Variants in ANXA1 observed in about 807,000 individuals in gnomAD.
ANXA1 encodes annexin A1.
Under a neutral mutation model 47.9 loss-of-function variants are expected in ANXA1, and 39 were observed. That is an observed-to-expected ratio of 0.81 (90% CI 0.63 to 1.06). ANXA1 has a LOEUF of 1.06. Among genes scored for constraint, ANXA1 ranks in the 50% least tolerant of loss-of-function variants. The pLI, the probability that ANXA1 is intolerant of heterozygous loss-of-function variation, is 0.00. For missense variants in ANXA1, 446 were observed against 422.7 expected (o/e 1.06, Z -0.48); for synonymous variants, 146 against 142.5 (o/e 1.02, Z -0.17).
At chr9:73,163,399 C>G in intron 7 of ANXA1, 77 bp from the exon 8 acceptor site, 1 of 1,376,936 alleles carries the variant, frequency 7.3e-7, no homozygotes, top group African/African-American at 1.5e-5. Context: ...TATTATTTAT[C>G]TGAGTTTAAG....
intron 11 of ANXA1, 25 bp from the exon 12 acceptor site, chr9:73,169,007 A>T: frequency 6.3e-7 from 1 of 1,595,714 alleles, no homozygotes; most frequent in Non-Finnish European, 8.5e-7. Context: ...AATATGAGAC[A>T]CTTACCCTCA....
chr9:73,167,734 G>C, intron 11 of ANXA1, 179 bp downstream of exon 11: 2 of 582,340 alleles, frequency 3.4e-6, no homozygotes, highest in Non-Finnish European at 5.8e-6. Flanking sequence ...TGTTAGATTC[G>C]GTGCTTTTTT....
chr9:73,168,880 G>GGGGTGTGTGT (rs71495355), intron 11 of ANXA1, 152 bp from the exon 12 acceptor site: 7 of 402,864 alleles, frequency 1.7e-5, no homozygotes, highest in Admixed American at 4.1e-5. Context: ...ATTCGTGTAA[G>GGGGTGTGTGT]GTGTGTGTGT....
chr9:73,159,137 A>G (rs1824096805), intron 3 of ANXA1, among the ~76,000 whole-genome samples, 192 bp from the exon 4 acceptor site: 1 of 152,082 alleles, frequency 6.6e-6, no homozygotes, highest in Non-Finnish European at 1.5e-5. Context: ...TTCCTTTCTC[A>G]CTCGAATGAA....
chr9:73,164,403 G>A (rs1316118586), intron 8 of ANXA1, among the ~76,000 whole-genome samples: 1 of 152,114 alleles, frequency 6.6e-6, no homozygotes, highest in East Asian at 1.9e-4. Context: ...AGGAACAAGA[G>A]TTAGCATTTG....
At chr9:73,169,655 G>A (rs1210228519) in intron 12 of ANXA1, among the ~76,000 whole-genome samples, 1 of 151,968 alleles carries the variant, frequency 6.6e-6, no homozygotes, top group Non-Finnish European at 1.5e-5. Flanking sequence ...AGTCATATTG[G>A]ATAACTAAAA....
intron 1 of ANXA1, among the ~76,000 whole-genome samples, chr9:73,156,129 A>AAAT (rs1037095085): frequency 6.9e-6 from 1 of 145,464 alleles, no homozygotes. Flanking sequence ...AATAATAAAT[A>AAAT]AATAATAATA....
chr9:73,161,119 G>A (rs956019947), intron 6 of ANXA1, among the ~76,000 whole-genome samples: 5 of 152,054 alleles, frequency 3.3e-5, no homozygotes, highest in African/African-American at 9.7e-5. Context: ...TCAAGCTTGC[G>A]TTTTAATAGA....
chr9:73,159,186 G>A (rs1490845003), intron 3 of ANXA1, 143 bp from the exon 4 acceptor site: 4 of 662,728 alleles, frequency 6.0e-6, no homozygotes, highest in Non-Finnish European at 1.0e-5. Context: ...ATGTAGTATA[G>A]CATCGATTTT....
chr9:73,155,306 T>A lies in ANXA1; in HGVS notation c.-14-3216T>A, dbSNP rs946098605. On this transcript the variant is annotated intron_variant, in intron 1 of 12. Transcript: ENST00000257497. Reference sequence around the variant, plus strand: ...TTAGTTGAAATCTGTATTGAGTTAGTTGAAATCTATAAGTTGATAGAACAG... The same window carrying A: ...TTAGTTGAAATCTGTATTGAGTTAGATGAAATCTATAAGTTGATAGAACAG... Among the ~76,000 whole-genome samples the A allele has an allele frequency of 2.0e-5, 3 of 152,194 alleles. No homozygotes were observed. In the East Asian group the frequency reaches 5.8e-4, roughly 29 times the overall value.
intron 1 of ANXA1, among the ~76,000 whole-genome samples, chr9:73,156,121 T>A (rs534868738): frequency 0.034 from 4,765 of 140,098 alleles, 249 homozygotes; most frequent in African/African-American, 0.12. Context: ...ATAATAATAA[T>A]AATAAATAAA....
chr9:73,152,777 AGT>A (rs1823991873), intron 1 of ANXA1, among the ~76,000 whole-genome samples: 1 of 152,202 alleles, frequency 6.6e-6, no homozygotes, highest in Non-Finnish European at 1.5e-5. Flanking sequence ...AGTATTTACT[AGT>A]GTTGGATATA....
intron 1 of ANXA1, among the ~76,000 whole-genome samples, chr9:73,153,276 G>A (rs1008545725): frequency 2.6e-5 from 4 of 152,118 alleles, no homozygotes; most frequent in African/African-American, 4.8e-5. Context: ...TGAATATGAC[G>A]TTAGCTCTCT....
Position 73,157,302 on chromosome 9 carries a change from T to C in ANXA1, c.-14-1220T>C, listed in dbSNP as rs140952972. 5.3e-5 allele frequency among the ~76,000 whole-genome samples: 8 copies of C among 152,276 alleles called. No individual in the cohort carries two copies. In the East Asian group the frequency reaches 1.5e-3, roughly 29 times the overall value. On this transcript the variant is annotated intron_variant, in intron 1 of 12. Coordinates refer to ENST00000257497, the MANE Select transcript of ANXA1 (RefSeq NM_000700.3). ...ATATCACCTGGATATCTTTTTACAA[T>C]TAAAATTTTAAATCTGAATTCACTT...
At chr9:73,166,252 C>T (rs1000754947) in intron 10 of ANXA1, 60 bp downstream of exon 10, 3 of 1,210,300 alleles carry the variant, frequency 2.5e-6, no homozygotes, top group Admixed American at 2.2e-5. Context: ...CAAAGCTATC[C>T]TATACTTAAC....
chr9:73,167,625 T>C (rs1310667524), intron 11 of ANXA1, 70 bp downstream of exon 11: 5 of 1,409,316 alleles, frequency 3.5e-6, no homozygotes, highest in Non-Finnish European at 2.0e-6. Flanking sequence ...GAAAACCTCA[T>C]GTTGTTTGAA....
At position 73,170,047 on chromosome 9, in the gene ANXA1, A is replaced by G. The variant is rs1262219826; in HGVS notation, c.985-4A>G. The G allele has an allele frequency of 6.2e-7, 1 of 1,600,008 alleles. No homozygotes were observed. The highest frequency in any genetic ancestry group is 8.5e-7 in the Non-Finnish European group (1 of 1,173,714). ...ATTAAGTATACCTTTTTTTGAATCA[A>G]CAGGATGAAACCAAAGGAGATTATG... On this transcript the variant is annotated splice_polypyrimidine_tract_variant and splice_region_variant and intron_variant, in intron 12 of 12. Coordinates refer to ENST00000257497, the MANE Select transcript of ANXA1 (RefSeq NM_000700.3).
At chr9:73,165,957 T>C in intron 9 of ANXA1, 140 bp from the exon 10 acceptor site, 1 of 584,198 alleles carries the variant, frequency 1.7e-6, no homozygotes, top group Non-Finnish European at 3.0e-6. Context: ...CACGTTATGA[T>C]TAATTGGGTA....
At position 73,158,697 on chromosome 9, in the gene ANXA1, A is replaced by T. The variant is rs748890727; in HGVS notation, c.69A>T (p.Gln23His). 3 of 1,613,802 alleles carry T rather than the reference A, an allele frequency of 1.9e-6. No individual in the cohort carries two copies. In the South Asian group the frequency reaches 3.3e-5, roughly 18 times the overall value. ...ATTTATTTCTCTCTCATTCTTAGCAAACTGTGAAGTCATCCAAAGGTGGTC... is the reference window on the plus strand; with the variant it reads ...ATTTATTTCTCTCTCATTCTTAGCATACTGTGAAGTCATCCAAAGGTGGTC... The part of the protein sequence containing the change: ...FIENEEQEYV[Q>H]TVKSSKGGPG... The change falls in exon 3 of 13, where the codon CAA (glutamine) becomes CAT (histidine). Residue 23 changes from glutamine to histidine, a missense_variant and splice_region_variant. Transcript: ENST00000257497.
Sources: allele counts gnomAD v4.1 joint callset (sites outside exome capture counted in the v4.1 genomes callset), GRCh38; gene constraint gnomAD v4.1.1; transcripts MANE v1.5; gene names NCBI Gene and HGNC (gene_info 2026-07-23, HGNC 2026-07-21).